Variants in ZNF638 observed in about 807,000 individuals in gnomAD.
ZNF638 encodes the protein zinc finger protein 638, also known as CTCL tumor antigen se33-1.
In ZNF638, 46 loss-of-function variants were observed where a neutral mutation model predicts 195.6. The ratio of observed to expected loss-of-function variants is 0.24; its 90% CI spans 0.19 to 0.30. The LOEUF is 0.30. Ranked by LOEUF, ZNF638 falls within the 10% of genes least tolerant of loss-of-function variation. The pLI is 1.00. For missense variants in ZNF638, 2,440 were observed against 2,325.3 expected, an observed-to-expected ratio of 1.05 and a Z score of -1.01; for synonymous variants, 845 against 772.0, an observed-to-expected ratio of 1.09 and a Z score of -1.57.
chr2:71,411,442 TTTTTTTATTTA>T (rs1156638597), intron 20 of ZNF638, among the ~76,000 whole-genome samples: 6 of 140,644 alleles, frequency 4.3e-5, no homozygotes, highest in Admixed American at 7.4e-5. Context: ...AGTTTTTTAT[TTTTTTTATTTA>T]TTTTTTATTT....
intron 1 of ZNF638, chr2:71,348,454 ATT>A (rs1260144092): frequency 2.0e-6 from 2 of 1,014,482 alleles, no homozygotes; most frequent in African/African-American, 3.5e-5. Context: ...AATTCCCAGT[ATT>A]TTTCAAGATT....
In ZNF638 at chr2:71,350,128, T is replaced by G; in HGVS notation, c.1174T>G (p.Trp392Gly). Residue 392 changes from tryptophan to glycine, a missense_variant, in exon 2 of 28, where the codon TGG becomes GGG. Trp to Gly is a radical substitution (Grantham distance 184). Around this residue, in one of 5 missense-constraint regions of ZNF638, gnomAD observed 305 missense variants for 283.6 expected, o/e 1.08. Transcript: ENST00000264447. Reference protein sequence around the residue: ...RSPFGIVKASWLPKFSHADAQ... With the variant: ...RSPFGIVKASGLPKFSHADAQ... ...TCCCTTTGGTATTGTGAAAGCATCC[T>G]GGCTACCAAAGTTTTCACATGCTGA... 6.2e-7 allele frequency: 1 copy of G among 1,614,078 alleles called. No individual in the cohort carries two copies.
In ZNF638 at chr2:71,423,789, A is replaced by C. The variant is rs760046184; in HGVS notation, c.4275A>C (p.Gln1425His). ...TTCCAAAATCTGTGCCCAGAGATCA[A>C]ATAAATGCTGAAAAGAAACTTTCAG... ...KSFPKSVPRD[Q>H]INAEKKLSAK... Residue 1425 changes from glutamine to histidine, a missense_variant, in exon 22 of 28, where the codon CAA becomes CAC. Gln to His is a conservative substitution (Grantham distance 24, BLOSUM62 0). Transcript: ENST00000264447. 5 of 1,613,962 alleles carry C rather than the reference A, an allele frequency of 3.1e-6. No individual in the cohort carries two copies. The highest frequency in any genetic ancestry group is 8.5e-7 in the Non-Finnish European group (1 of 1,180,026).
chr2:71,397,610 C>T (rs1296879768), intron 11 of ZNF638, among the ~76,000 whole-genome samples: 1 of 152,108 alleles, frequency 6.6e-6, no homozygotes, highest in Non-Finnish European at 1.5e-5. Flanking sequence ...TGTTCGTGCC[C>T]CAAAGCTTCT....
At chr2:71,404,886 T>C (rs572695691) in intron 17 of ZNF638, among the ~76,000 whole-genome samples, 2 of 152,300 alleles carry the variant, frequency 1.3e-5, no homozygotes, top group South Asian at 4.1e-4. Context: ...TGTCAACTGC[T>C]AAGAAGCATG....
rs144120960 is a variant in ZNF638, at chr2:71,423,296, C to G, written c.3782C>G (p.Ala1261Gly). 3.4e-4 allele frequency: 551 copies of G among 1,613,874 alleles called. 7 individuals are homozygous for G. In the East Asian group the frequency reaches 0.011, roughly 33 times the overall value. ...GGAATTACACAGACTATGGTAGAAGCTGTAGCTGAAGTAGAAAAAAATGAA... is the reference window on the plus strand; with the variant it reads ...GGAATTACACAGACTATGGTAGAAGGTGTAGCTGAAGTAGAAAAAAATGAA... ...ISGITQTMVE[A>G]VAEVEKNETV... Residue 1261 changes from alanine to glycine, a missense_variant, in exon 22 of 28, where the codon GCT becomes GGT. Ala to Gly is a moderately conservative substitution (Grantham distance 60). This residue lies in a region of ZNF638 where 1,883 missense variants were observed against 1,739.1 expected (regional missense o/e 1.08). Transcript: ENST00000264447.
chr2:71,384,090 A>G (rs1241312751), intron 10 of ZNF638, among the ~76,000 whole-genome samples: 1 of 152,126 alleles, frequency 6.6e-6, no homozygotes, highest in Non-Finnish European at 1.5e-5. Flanking sequence ...TCAGATTTAG[A>G]TAACATCCTT....
intron 10 of ZNF638, among the ~76,000 whole-genome samples, chr2:71,390,427 T>A (rs1459951727): frequency 6.6e-6 from 1 of 152,208 alleles, no homozygotes; most frequent in East Asian, 1.9e-4. Context: ...GGTCCTAGGA[T>A]GATCAAGCCT....
intron 18 of ZNF638, among the ~76,000 whole-genome samples, chr2:71,405,846 AGTGCATATTAAGTGGTCTAATAG>A (rs67651141): frequency 0.097 from 14,738 of 152,172 alleles, 963 homozygotes; most frequent in Middle Eastern, 0.15. Flanking sequence ...CAGGTACTGG[AGTGCATATTAAGTGGTCTAATAG>A]GTCAATATCT....
Position 71,424,005 on chromosome 2 carries a change from T to A in ZNF638, c.4491T>A (p.Pro1497=), listed in dbSNP as rs1170147796. ...AATCTCAGGAAACAGAGGCTAGACC[T>A]TCCATCATGAAACGGGATGACAGCA... The part of the protein sequence containing the change: ...TKQSQETEAR[P]SIMKRDDSNN... The change falls in exon 22 of 28, where the codon CCT becomes CCA. Residue 1497 remains proline, a synonymous_variant. Transcript: ENST00000264447. 1 of 1,613,870 alleles carries A rather than the reference T, an allele frequency of 6.2e-7. No individual in the cohort carries two copies. Among genetic ancestry groups the A allele is most frequent in the Non-Finnish European group, 8.5e-7 (1 of 1,179,878 alleles).
At chr2:71,388,221 T>C (rs2079684686) in intron 10 of ZNF638, among the ~76,000 whole-genome samples, 1 of 152,218 alleles carries the variant, frequency 6.6e-6, no homozygotes, top group Admixed American at 6.5e-5. Flanking sequence ...TAAATTCTCT[T>C]ACCCTGAGGC....
chr2:71,403,487 T>C (rs2080046166), intron 16 of ZNF638, among the ~76,000 whole-genome samples: 1 of 152,168 alleles, frequency 6.6e-6, no homozygotes, highest in African/African-American at 2.4e-5. Context: ...ATATTTCTCA[T>C]ATTTTATCAA....
chr2:71,338,881 C>A (rs1573014010), intron 1 of ZNF638, among the ~76,000 whole-genome samples: 4 of 152,230 alleles, frequency 2.6e-5, no homozygotes, highest in Admixed American at 2.6e-4. Context: ...TAACATGTTT[C>A]CAAAGGTTAA....
chr2:71,354,838 TA>T (rs758961397), intron 2 of ZNF638, among the ~76,000 whole-genome samples: 13 of 152,226 alleles, frequency 8.5e-5, no homozygotes, highest in Non-Finnish European at 1.6e-4. Context: ...TTGTTACTTT[TA>T]AATTTTGAAA....
chr2:71,389,724 A>G (rs1465975868), intron 10 of ZNF638, among the ~76,000 whole-genome samples: 1 of 151,892 alleles, frequency 6.6e-6, no homozygotes, highest in African/African-American at 2.4e-5. Flanking sequence ...ATCTTTATAA[A>G]TGTTCGACAA....
intron 8 of ZNF638, among the ~76,000 whole-genome samples, chr2:71,376,892 C>T (rs763447282): frequency 2.6e-5 from 4 of 152,160 alleles, no homozygotes; most frequent in Non-Finnish European, 2.9e-5. Flanking sequence ...CTACTCCTTG[C>T]CCCACCGTTA....
At chr2:71,432,510 T>C (rs2080686808) in intron 26 of ZNF638, among the ~76,000 whole-genome samples, 1 of 152,222 alleles carries the variant, frequency 6.6e-6, no homozygotes, top group Non-Finnish European at 1.5e-5. Flanking sequence ...CAGAGGTATA[T>C]TTTAGACTGT....
intron 11 of ZNF638, among the ~76,000 whole-genome samples, chr2:71,396,787 TA>T (rs1331197241): frequency 6.6e-6 from 1 of 151,820 alleles, no homozygotes; most frequent in Non-Finnish European, 1.5e-5. Flanking sequence ...CTACTGAAAA[TA>T]CAAAAAAACT....
chr2:71,433,127 T>C (rs2080701173), intron 26 of ZNF638, 38 bp from the exon 27 acceptor site: 1 of 1,362,352 alleles, frequency 7.3e-7, no homozygotes, highest in Non-Finnish European at 1.0e-6. Context: ...GGAGATTAAT[T>C]ATTGTTAATT....
Sources: allele counts gnomAD v4.1 joint callset (sites outside exome capture counted in the v4.1 genomes callset), GRCh38; gene constraint gnomAD v4.1.1; regional missense constraint gnomAD v4.1.1; transcripts MANE v1.5; gene names NCBI Gene and HGNC (gene_info 2026-07-23, HGNC 2026-07-21).